Variants in ULK4 observed in about 807,000 individuals in gnomAD.
ULK4 encodes the protein inactive serine/threonine-protein kinase ULK4.
In ULK4, 133 loss-of-function variants were observed where a neutral mutation model predicts 160.6. That is an observed-to-expected ratio of 0.83 (90% CI 0.72 to 0.96). The LOEUF (loss-of-function observed/expected upper bound fraction) is 0.96, where lower values mean the gene tolerates loss of function less well. Among genes scored for constraint, ULK4 ranks in the 40% least tolerant of loss-of-function variants. The pLI is 0.00. For missense variants in ULK4, 1,580 were observed against 1,499.5 expected (o/e 1.05, Z -0.89); for synonymous variants, 534 against 539.8 (o/e 0.99, Z 0.15).
intron 1 of ULK4, among the ~76,000 whole-genome samples, chr3:41,958,365 A>G (rs1319356710): frequency 6.6e-6 from 1 of 152,192 alleles, no homozygotes; most frequent in Non-Finnish European, 1.5e-5. Flanking sequence ...TGTGTATTTT[A>G]CAATTAAAAA....
chr3:41,850,002 C>T (rs7625674), intron 17 of ULK4, among the ~76,000 whole-genome samples: 20,091 of 152,034 alleles, frequency 0.13, 4,332 homozygotes, highest in African/African-American at 0.45. Flanking sequence ...TGATGTTCCC[C>T]TTCCTGTGCC....
At chr3:41,874,690 G>A (rs992428352) in intron 17 of ULK4, among the ~76,000 whole-genome samples, 40 of 152,096 alleles carry the variant, frequency 2.6e-4, no homozygotes, top group Non-Finnish European at 1.0e-4. Context: ...TGGTATAATG[G>A]ACACTGGAGA....
chr3:41,844,815 C>T (rs957370935), intron 17 of ULK4, among the ~76,000 whole-genome samples: 7 of 144,370 alleles, frequency 4.8e-5, no homozygotes, highest in Non-Finnish European at 1.1e-4. Context: ...AAAAAAACAG[C>T]AACTAAATAT....
At chr3:41,266,562 T>C (rs1232978252) in intron 35 of ULK4, among the ~76,000 whole-genome samples, 4 of 152,082 alleles carry the variant, frequency 2.6e-5, no homozygotes, top group African/African-American at 9.7e-5. Flanking sequence ...ACGCTGGACT[T>C]TGTCATTGTT....
chr3:41,492,252 T>C (rs1199453730), intron 32 of ULK4, among the ~76,000 whole-genome samples: 1 of 152,158 alleles, frequency 6.6e-6, no homozygotes, highest in African/African-American at 2.4e-5. Context: ...TACCCAGCAA[T>C]GGGATGGCTG....
chr3:41,957,714 G>GAA (rs781189734), intron 1 of ULK4, among the ~76,000 whole-genome samples: 1 of 133,032 alleles, frequency 7.5e-6, no homozygotes, highest in Non-Finnish European at 1.6e-5. Context: ...CCATGTCTCA[G>GAA]AAAAAAAAAA....
chr3:41,672,070 TAAG>T (rs1336728141), intron 29 of ULK4, among the ~76,000 whole-genome samples: 1 of 151,950 alleles, frequency 6.6e-6, no homozygotes, highest in African/African-American at 2.4e-5. Context: ...AGATGAAAAA[TAAG>T]AGATGTTGGC....
intron 31 of ULK4, among the ~76,000 whole-genome samples, chr3:41,602,939 A>G (rs1298618889): frequency 6.6e-6 from 1 of 152,114 alleles, no homozygotes; most frequent in African/African-American, 2.4e-5. Context: ...AATGCAAAAG[A>G]GAAAAACAAA....
intron 19 of ULK4, among the ~76,000 whole-genome samples, chr3:41,804,290 A>C (rs986248314): frequency 3.9e-5 from 6 of 152,118 alleles, no homozygotes; most frequent in Admixed American, 6.6e-5. Context: ...TCTTCTTTTG[A>C]GAAGTGTCTG....
chr3:41,286,244 C>G (rs1366988426), intron 35 of ULK4, among the ~76,000 whole-genome samples: 2 of 152,076 alleles, frequency 1.3e-5, no homozygotes, highest in East Asian at 3.9e-4. Context: ...CTTCTTGAAT[C>G]TTTGTAATCA....
intron 17 of ULK4, among the ~76,000 whole-genome samples, chr3:41,847,538 T>A (rs1379442807): frequency 6.6e-6 from 1 of 152,162 alleles, no homozygotes; most frequent in Non-Finnish European, 1.5e-5. Context: ...CAACACAACT[T>A]TTAAAATATT....
chr3:41,544,225 T>C (rs964459627), intron 32 of ULK4, among the ~76,000 whole-genome samples: 5 of 152,326 alleles, frequency 3.3e-5, no homozygotes, highest in Admixed American at 1.3e-4. Context: ...GTGACACTTT[T>C]GTGCTAATAT....
rs570255885 is a variant in ULK4 at position 41,559,030 on chromosome 3, C to T, written c.3226+6995G>A. Among the ~76,000 whole-genome samples the T allele has an allele frequency of 1.4e-5, 2 of 141,220 alleles. 1 individual carries two copies. The highest frequency in any genetic ancestry group is 4.8e-4 in the South Asian group (2 of 4,182). 92.6% of individuals were successfully genotyped at this position (141,220 alleles called of 152,430 possible). On this transcript the variant is annotated intron_variant, in intron 32 of 36. Coordinates refer to ENST00000301831, the MANE Select transcript of ULK4 (RefSeq NM_017886.4). ...TCCTAATGCTATCCCTCCCCCCTACCCCCACCCCACAACAGGCCCCGGTGT... is the reference window on the plus strand; with the variant it reads ...TCCTAATGCTATCCCTCCCCCCTACTCCCACCCCACAACAGGCCCCGGTGT...
intron 32 of ULK4, among the ~76,000 whole-genome samples, chr3:41,532,164 T>G (rs772571895): frequency 6.6e-6 from 1 of 152,232 alleles, no homozygotes; most frequent in Non-Finnish European, 1.5e-5. Context: ...TGATTTTTCT[T>G]ACTGCTCTTC....
At chr3:41,819,552 A>G (rs761574512) in intron 18 of ULK4, 46 bp from the exon 19 acceptor site, 245 of 1,570,830 alleles carry the variant, frequency 1.6e-4, no homozygotes, top group Non-Finnish European at 1.9e-4. Context: ...TAACAGCACG[A>G]AAGATATTAA....
rs565257040 is a variant in ULK4 at position 41,903,161 on chromosome 3, G to C, written c.1183-2332C>G. Among the ~76,000 whole-genome samples the C allele has an allele frequency of 3.3e-5, 5 of 152,320 alleles. No homozygotes were observed. In the East Asian group the frequency reaches 5.8e-4, roughly 18 times the overall value. On this transcript the variant is annotated intron_variant, in intron 12 of 36. Transcript: ENST00000301831. ...ATTTAACACTGAGGAGGAACTGCTA[G>C]TAAATTATATTGGTCCGTAAAGTAA...
intron 32 of ULK4, among the ~76,000 whole-genome samples, chr3:41,551,325 A>T (rs1575400611): frequency 6.6e-6 from 1 of 151,954 alleles, no homozygotes; most frequent in East Asian, 1.9e-4. Flanking sequence ...AGTATAAAGG[A>T]TCAACAAAAG....
chr3:41,850,988 A>G (rs928114608), intron 17 of ULK4, among the ~76,000 whole-genome samples: 70 of 152,038 alleles, frequency 4.6e-4, no homozygotes, highest in African/African-American at 1.6e-3. Context: ...TTTTTGTATA[A>G]GGTTTTCTAG....
At chr3:41,596,046 T>C (rs1488772599) in intron 31 of ULK4, among the ~76,000 whole-genome samples, 1 of 152,058 alleles carries the variant, frequency 6.6e-6, no homozygotes, top group East Asian at 1.9e-4. Context: ...CAGGAACAAG[T>C]AGATGACTTG....
Sources: allele counts gnomAD v4.1 joint callset (sites outside exome capture counted in the v4.1 genomes callset), GRCh38; gene constraint gnomAD v4.1.1; transcripts MANE v1.5; gene names NCBI Gene and HGNC (gene_info 2026-07-23, HGNC 2026-07-21).